The following RPS6KC1 variants were observed in gnomAD, a reference collection of about 807,000 sequenced individuals.
RPS6KC1 encodes the protein inactive ribosomal protein S6 kinase delta-1.
A neutral mutation model predicts 103.8 loss-of-function variants in RPS6KC1; 54 were observed. The ratio of observed to expected loss-of-function variants is 0.52; its 90% CI spans 0.42 to 0.65. RPS6KC1 has a LOEUF of 0.65. Ranked by LOEUF, RPS6KC1 falls within the 30% of genes least tolerant of loss-of-function variation. The pLI, the probability that RPS6KC1 is intolerant of heterozygous loss-of-function variation, is 0.00. For synonymous variants in RPS6KC1, 439 were observed against 438.7 expected (o/e 1.00, Z -0.01); for missense variants, 1,151 against 1,253.8 (o/e 0.92, Z 1.24).
chr1:213,392,570 T>C, the RPS6KC1 span, among the ~76,000 whole-genome samples: 4 of 152,226 alleles, frequency 2.6e-5, no homozygotes, highest in African/African-American at 9.6e-5. Flanking sequence ...GCTTCCAAAA[T>C]GTGGATGGGC....
the RPS6KC1 span, among the ~76,000 whole-genome samples, chr1:213,808,542 C>T: frequency 6.6e-6 from 1 of 152,242 alleles, no homozygotes; most frequent in Non-Finnish European, 1.5e-5. Context: ...GACTGCTGTG[C>T]TAGCAATCAG....
chr1:213,322,342 A>AT, the RPS6KC1 span, among the ~76,000 whole-genome samples: 2 of 152,136 alleles, frequency 1.3e-5, no homozygotes, highest in East Asian at 1.9e-4. Context: ...CAAGTGGGAG[A>AT]TTTTAAGAAC....
At chr1:213,726,934 G>A in the RPS6KC1 span, among the ~76,000 whole-genome samples, 13 of 152,196 alleles carry the variant, frequency 8.5e-5, no homozygotes, top group Non-Finnish European at 1.6e-4. Context: ...TCCTTTCTAA[G>A]CAGGGGTCCA....
At chr1:213,064,824 C>G (rs1307424422) in intron 1 of RPS6KC1, among the ~76,000 whole-genome samples, 2 of 142,936 alleles carry the variant, frequency 1.4e-5, no homozygotes, top group Non-Finnish European at 3.1e-5. Flanking sequence ...ACTACAGGCA[C>G]CTGCCACCAC....
At chr1:213,122,053 A>G (rs2084449712) in intron 5 of RPS6KC1, among the ~76,000 whole-genome samples, 1 of 152,176 alleles carries the variant, frequency 6.6e-6, no homozygotes, top group South Asian at 2.1e-4. Flanking sequence ...GTGCATTTTG[A>G]GGATAGCATC....
intron 1 of RPS6KC1, among the ~76,000 whole-genome samples, chr1:213,066,119 C>G (rs1216820925): frequency 6.6e-6 from 1 of 152,110 alleles, no homozygotes; most frequent in African/African-American, 2.4e-5. Context: ...TCAAATTTTC[C>G]CTATGCCTAG....
chr1:213,481,081 G>A, the RPS6KC1 span, among the ~76,000 whole-genome samples: 1 of 151,650 alleles, frequency 6.6e-6, no homozygotes, highest in African/African-American at 2.4e-5. Context: ...TTTCTTTTTT[G>A]TTCTGTTACT....
chr1:213,159,230 A>G (rs1464184122), intron 6 of RPS6KC1, among the ~76,000 whole-genome samples: 6 of 152,194 alleles, frequency 3.9e-5, no homozygotes, highest in African/African-American at 9.6e-5. Flanking sequence ...GAAAGTCTGG[A>G]CGAGTAGTTT....
chr1:213,733,548 G>GT, the RPS6KC1 span, among the ~76,000 whole-genome samples: 755 of 142,158 alleles, frequency 5.3e-3, 3 homozygotes, highest in African/African-American at 8.9e-3. Context: ...TTTTTAGTTT[G>GT]TTTTTTTTTT....
intron 12 of RPS6KC1, among the ~76,000 whole-genome samples, chr1:213,247,197 C>T (rs542231758): frequency 1.1e-4 from 16 of 152,268 alleles, no homozygotes; most frequent in Non-Finnish European, 2.2e-4. Flanking sequence ...CACTGCAGCC[C>T]GATCTCCATG....
chr1:213,355,873 T>A, the RPS6KC1 span, among the ~76,000 whole-genome samples: 82,597 of 152,104 alleles, frequency 0.54, 26,054 homozygotes, highest in East Asian at 0.77. Context: ...TTCATGATTC[T>A]GCCACTTACT....
chr1:213,107,640 A>G (rs1015869079), intron 4 of RPS6KC1, among the ~76,000 whole-genome samples: 5 of 152,166 alleles, frequency 3.3e-5, no homozygotes, highest in Non-Finnish European at 5.9e-5. Flanking sequence ...TTGTGTGGAT[A>G]TATGTTTTCA....
the RPS6KC1 span, among the ~76,000 whole-genome samples, chr1:213,518,112 C>G: frequency 6.6e-6 from 1 of 152,084 alleles, no homozygotes; most frequent in Non-Finnish European, 1.5e-5. Context: ...CAAAACTGAT[C>G]ATAAGTACCT....
the RPS6KC1 span, among the ~76,000 whole-genome samples, chr1:213,300,478 G>A: frequency 1.3e-5 from 2 of 152,204 alleles, no homozygotes; most frequent in African/African-American, 2.4e-5. Flanking sequence ...CACACCCTCT[G>A]AGTTTCCCTT....
At chr1:213,619,296 G>A in the RPS6KC1 span, among the ~76,000 whole-genome samples, 1 of 152,158 alleles carries the variant, frequency 6.6e-6, no homozygotes, top group Non-Finnish European at 1.5e-5. Flanking sequence ...TCTCTCATGT[G>A]CATCTCTTTT....
chr1:213,208,669 G>GT (rs1216866667), intron 8 of RPS6KC1, among the ~76,000 whole-genome samples: 1 of 152,112 alleles, frequency 6.6e-6, no homozygotes, highest in Non-Finnish European at 1.5e-5. Context: ...TGGGAGCCCA[G>GT]TGGTGGAAGC....
the RPS6KC1 span, among the ~76,000 whole-genome samples, chr1:213,516,247 C>A: frequency 2.6e-5 from 4 of 152,140 alleles, no homozygotes; most frequent in Non-Finnish European, 4.4e-5. Flanking sequence ...ATTGCCCTGG[C>A]CAGTACTTCC....
At chr1:213,757,874 G>T in the RPS6KC1 span, among the ~76,000 whole-genome samples, 1 of 152,098 alleles carries the variant, frequency 6.6e-6, no homozygotes, top group South Asian at 2.1e-4. Flanking sequence ...AAATCATAGG[G>T]CCCTTAAGAA....
At chr1:213,846,968 A>G in the RPS6KC1 span, among the ~76,000 whole-genome samples, 1,384 of 152,302 alleles carry the variant, frequency 9.1e-3, 72 homozygotes, top group Admixed American at 0.078. Flanking sequence ...TCACCCCCAA[A>G]TGCTGTGTCC....
Sources: gnomAD v4.1 joint callset for allele counts (sites outside exome capture counted in the v4.1 genomes callset) on GRCh38, gnomAD v4.1.1 for gene constraint, MANE v1.5 for transcripts, NCBI Gene and HGNC (gene_info 2026-07-23, HGNC 2026-07-21) for gene names.